Variants in ATIC observed in about 807,000 individuals in gnomAD.
ATIC encodes 5-aminoimidazole-4-carboxamide ribonucleotide formyltransferase/IMP cyclohydrolase.
Under a neutral mutation model 72.5 loss-of-function variants are expected in ATIC, and 64 were observed. The observed-to-expected ratio is 0.88, with a 90% CI of 0.72 to 1.09. The LOEUF is 1.09. Among genes scored for constraint, ATIC ranks in the 50% least tolerant of loss-of-function variants. ATIC has a pLI of 0.00. For synonymous variants in ATIC, 281 were observed against 267.1 expected (o/e 1.05, Z -0.51); for missense variants, 787 against 732.4 (o/e 1.07, Z -0.86).
the ATIC span, chr2:215,364,804 TG>T: frequency 1.0e-6 from 1 of 955,528 alleles, no homozygotes; most frequent in Non-Finnish European, 1.6e-6. Flanking sequence ...CCCTCCTGTG[TG>T]TACGACACAT....
intron 7 of ATIC, among the ~76,000 whole-genome samples, chr2:215,327,932 C>G (rs1392950638): frequency 6.6e-6 from 1 of 150,572 alleles, no homozygotes. Flanking sequence ...GAGTCTCGCT[C>G]TGTCACCCAG....
the ATIC span, chr2:215,364,697 G>C: frequency 1.6e-6 from 1 of 627,600 alleles, no homozygotes; most frequent in Non-Finnish European, 2.9e-6. Context: ...AGAATGAATG[G>C]CATGTAAGGT....
At chr2:215,363,042 T>A in the ATIC span, 1 of 152,176 alleles carries the variant, frequency 6.6e-6, no homozygotes, top group Non-Finnish European at 1.5e-5. Flanking sequence ...CTTTTTTATA[T>A]TAGAATTTAA....
chr2:215,312,273 G>C lies in ATIC; in HGVS notation c.19+112G>C, dbSNP rs530170926. ...ACTGCAGGGGCGGCGCTGCGGGATT[G>C]AAAGCCAGCGTCCCCGCTCCCCGGC... On this transcript the variant is annotated intron_variant, in intron 1 of 15. Coordinates refer to ENST00000236959, the MANE Select transcript of ATIC (RefSeq NM_004044.7). The C allele has an allele frequency of 4.8e-6, 7 of 1,446,336 alleles. No homozygotes were observed. The African/African-American group carries it at 8.6e-5, about 18-fold the overall frequency. The allele number at this position is 1,446,336 out of a possible 1,614,324, so 89.6% of individuals were successfully genotyped here.
intron 14 of ATIC, chr2:215,347,361 T>C (rs1253861080): frequency 2.7e-6 from 1 of 371,644 alleles, no homozygotes; most frequent in Admixed American, 3.8e-5. Flanking sequence ...CCTGGGGTCT[T>C]CTCCCACCAC....
chr2:215,312,103 C>A lies in ATIC; in HGVS notation c.-40C>A. ...CCTACCTGCGCACGTGGTGCCGCCGCTGCTGCCTCCCGCTCGCCCTGAACC... is the reference window on the plus strand; with the variant it reads ...CCTACCTGCGCACGTGGTGCCGCCGATGCTGCCTCCCGCTCGCCCTGAACC... On this transcript the variant is annotated 5_prime_UTR_variant, in exon 1 of 16. The change creates a new upstream start codon in the 5' untranslated region. Transcript: ENST00000236959. 6.5e-7 allele frequency: 1 copy of A among 1,530,316 alleles called. No individual in the cohort carries two copies. Among genetic ancestry groups the A allele is most frequent in the Non-Finnish European group, 8.7e-7 (1 of 1,144,802 alleles). The allele number at this position is 1,530,316 out of a possible 1,614,324, so 94.8% of individuals were successfully genotyped here. A position where few individuals can be genotyped will look rare whatever the true frequency, so the allele number is the denominator to read the frequency against.
the ATIC span, chr2:215,367,953 C>G: frequency 6.2e-7 from 1 of 1,614,150 alleles, no homozygotes; most frequent in African/African-American, 1.3e-5. Context: ...TCCCACTCAT[C>G]TCCAACGGCA....
At chr2:215,355,411 T>C in the ATIC span, among the ~76,000 whole-genome samples, 17 of 151,932 alleles carry the variant, frequency 1.1e-4, no homozygotes, top group Admixed American at 1.1e-3. Flanking sequence ...CAATACTGAG[T>C]GTATTTCTAT....
chr2:215,364,333 T>TG, the ATIC span: 173,280 of 173,280 alleles, frequency 1, 86,640 homozygotes, highest in Non-Finnish European at 1. Context: ...AACGTTGCCA[T>TG]GGGACACCTG....
intron 13 of ATIC, 151 bp downstream of exon 13, chr2:215,345,022 G>C: frequency 2.5e-6 from 2 of 815,272 alleles, no homozygotes; most frequent in East Asian, 2.7e-5. Flanking sequence ...CAGTACCCTG[G>C]TGGGCTGTTA....
intron 4 of ATIC, among the ~76,000 whole-genome samples, chr2:215,321,896 TG>T (rs1457854455): frequency 6.6e-6 from 1 of 152,172 alleles, no homozygotes; most frequent in Non-Finnish European, 1.5e-5. Context: ...TGGTTTCCTT[TG>T]ATCATCACAA....
chr2:215,347,505 A>G, intron 14 of ATIC: 1 of 456,304 alleles, frequency 2.2e-6, no homozygotes, highest in South Asian at 1.7e-5. Flanking sequence ...GATCTAGCCC[A>G]GTTTCTGGAC....
chr2:215,325,989 G>A lies in ATIC; in HGVS notation c.382G>A (p.Gly128Arg). ...EEAVEQIDIG[G>R]VTLLRAAAKN... ...AATAAGTCTTTTGTTCTTCAAAGGTGGAGTAACCTTACTGAGAGCTGCAGC... is the reference window on the plus strand; with the variant it reads ...AATAAGTCTTTTGTTCTTCAAAGGTAGAGTAACCTTACTGAGAGCTGCAGC... Residue 128 changes from glycine to arginine, a missense_variant and splice_region_variant, in exon 6 of 16, where the codon GGA (glycine) becomes AGA (arginine). By Grantham distance (125) the Gly-to-Arg change is moderately radical (BLOSUM62 -2). Transcript: ENST00000236959. 6.2e-7 allele frequency: 1 copy of A among 1,614,078 alleles called. No homozygotes were observed. Among genetic ancestry groups the A allele is most frequent in the Non-Finnish European group, 8.5e-7 (1 of 1,179,974 alleles).
intron 8 of ATIC, 67 bp from the exon 9 acceptor site, chr2:215,333,283 T>A: frequency 2.2e-6 from 3 of 1,363,788 alleles, no homozygotes; most frequent in Non-Finnish European, 3.1e-6. Flanking sequence ...AAAACTGTCT[T>A]GATTTAGGAG....
At chr2:215,352,868 C>T (rs1288860516), downstream of ATIC, among the ~76,000 whole-genome samples, 7 of 38,552 alleles carry the variant, frequency 1.8e-4, no homozygotes, top group African/African-American at 3.2e-4. Context: ...GATTTTTGGT[C>T]TCATAGTTCC....
chr2:215,330,057 C>T (rs1040281404), intron 7 of ATIC, among the ~76,000 whole-genome samples: 13 of 152,216 alleles, frequency 8.5e-5, no homozygotes, highest in Non-Finnish European at 2.9e-5. Flanking sequence ...GCCACCGCAC[C>T]CATCCAGATA....
At chr2:215,334,721 G>A (rs938602838) in intron 9 of ATIC, among the ~76,000 whole-genome samples, 198 bp from the exon 10 acceptor site, 12 of 152,132 alleles carry the variant, frequency 7.9e-5, no homozygotes, top group African/African-American at 2.2e-4. Flanking sequence ...TTTTCTGAGT[G>A]TCACTCTAGA....
chr2:215,333,824 C>T (rs1184852352), intron 9 of ATIC, among the ~76,000 whole-genome samples: 1 of 151,892 alleles, frequency 6.6e-6, no homozygotes, highest in Non-Finnish European at 1.5e-5. Flanking sequence ...GGGCAGATCA[C>T]GAGGTCAGGA....
chr2:215,312,130 A>C lies in ATIC; in HGVS notation c.-13A>C. 15 of 1,528,024 alleles carry C rather than the reference A, an allele frequency of 9.8e-6. No homozygotes were observed. Among genetic ancestry groups the C allele is most frequent in the Non-Finnish European group, 1.3e-5 (15 of 1,144,052 alleles). 94.7% of individuals were successfully genotyped at this position (1,528,024 alleles called of 1,614,324 possible). A position where few individuals can be genotyped will look rare whatever the true frequency, so the allele number is the denominator to read the frequency against. The stretch of plus-strand genomic sequence containing the variant: ...GCTGCCTCCCGCTCGCCCTGAACCC[A>C]GTGCCTGCAGCCATGGCTCCCGGCC... On this transcript the variant is annotated 5_prime_UTR_variant, in exon 1 of 16. Coordinates refer to ENST00000236959, the MANE Select transcript of ATIC (RefSeq NM_004044.7).
Sources: allele counts gnomAD v4.1 joint callset (sites outside exome capture counted in the v4.1 genomes callset), GRCh38; gene constraint gnomAD v4.1.1; transcripts MANE v1.5; gene names NCBI Gene and HGNC (gene_info 2026-07-23, HGNC 2026-07-21).